MYT1L: variants seen among roughly 807,000 people sequenced by gnomAD.
MYT1L encodes myelin transcription factor 1-like protein.
MYT1L carries 12 observed loss-of-function variants against 126.7 expected under a neutral mutation model. The ratio of observed to expected loss-of-function variants is 0.09; its 90% confidence interval spans 0.06 to 0.15. The LOEUF (loss-of-function observed/expected upper bound fraction) is 0.15. Ranked by LOEUF, MYT1L falls within the 10% of genes least tolerant of loss-of-function variation. MYT1L has a pLI of 1.00. For missense variants in MYT1L, 979 were observed against 1,585.2 expected (o/e 0.62, Z 6.49); for synonymous variants, 541 against 604.2 (o/e 0.90, Z 1.53).
intron 2 of MYT1L, among the ~76,000 whole-genome samples, chr2:2,225,204 T>C (rs2149014779): frequency 6.6e-6 from 1 of 152,064 alleles, no homozygotes; most frequent in African/African-American, 2.4e-5. Flanking sequence ...CCTGCCTTAA[T>C]CCTCTCCTCA....
intron 4 of MYT1L, among the ~76,000 whole-genome samples, chr2:2,023,662 T>C (rs553655196): frequency 3.3e-5 from 5 of 151,952 alleles, no homozygotes; most frequent in South Asian, 2.1e-4. Flanking sequence ...ACTGAATAGT[T>C]GGATGGGGAG....
At chr2:2,121,655 T>C (rs1008299334) in intron 3 of MYT1L, among the ~76,000 whole-genome samples, 11 of 149,234 alleles carry the variant, frequency 7.4e-5, no homozygotes, top group Non-Finnish European at 1.5e-4. Flanking sequence ...CCCAGCTAAT[T>C]TTTGTATTTT....
intron 2 of MYT1L, among the ~76,000 whole-genome samples, chr2:2,238,257 T>C (rs780958925): frequency 2.0e-4 from 30 of 152,170 alleles, no homozygotes; most frequent in Non-Finnish European, 4.1e-4. Context: ...GGGAAACCCA[T>C]GAGCTGTGTG....
At chr2:1,989,542 C>T (rs77949568) in intron 5 of MYT1L, among the ~76,000 whole-genome samples, 5 of 152,240 alleles carry the variant, frequency 3.3e-5, no homozygotes, top group African/African-American at 7.2e-5. Context: ...GATTAAGGAT[C>T]GCATGAAGGT....
chr2:1,878,495 C>A (rs529929210), intron 18 of MYT1L, among the ~76,000 whole-genome samples: 26 of 152,116 alleles, frequency 1.7e-4, no homozygotes, highest in African/African-American at 6.3e-4. Flanking sequence ...TAGTAAAAAC[C>A]ACACAAAGAA....
intron 18 of MYT1L, among the ~76,000 whole-genome samples, chr2:1,875,046 C>CT (rs1450885465): frequency 1.3e-5 from 2 of 152,112 alleles, no homozygotes; most frequent in African/African-American, 4.8e-5. Flanking sequence ...TATTCATTAG[C>CT]TTTTTTACTT....
Position 1,942,998 on chromosome 2 carries a change from T to TTCCTCC in MYT1L, c.483_488dup (p.Glu166_Glu167dup), listed in dbSNP as rs148009982. ...AAAGATTACCGTTTTCTTCTTCCTC[T>TTCCTCC]TCCTCCTCCTCCTCCTCCTCCTCTT... On this transcript the variant is annotated inframe_insertion, in exon 9 of 25. Transcript: ENST00000647738. 3.9e-6 allele frequency: 6 copies of TTCCTCC among 1,529,900 alleles called. No individual in the cohort carries two copies. The highest frequency in any genetic ancestry group is 4.0e-5 in the Admixed American group (2 of 49,724). 94.8% of individuals were successfully genotyped at this position (1,529,900 alleles called of 1,614,324 possible). A position where few individuals can be genotyped will look rare whatever the true frequency, so the allele number is the denominator to read the frequency against.
intron 3 of MYT1L, among the ~76,000 whole-genome samples, chr2:2,071,817 G>A (rs1218997384): frequency 6.6e-6 from 1 of 152,178 alleles, no homozygotes; most frequent in Non-Finnish European, 1.5e-5. Context: ...GGAGGCTACT[G>A]CAGCCACCCA....
At chr2:2,238,329 G>A (rs960345795) in intron 2 of MYT1L, among the ~76,000 whole-genome samples, 2 of 152,092 alleles carry the variant, frequency 1.3e-5, no homozygotes, top group Admixed American at 1.3e-4. Flanking sequence ...ATGAAGATTT[G>A]GGACTAGATC....
intron 3 of MYT1L, among the ~76,000 whole-genome samples, chr2:2,089,107 C>A (rs1428663106): frequency 6.6e-6 from 1 of 152,116 alleles, no homozygotes; most frequent in Non-Finnish European, 1.5e-5. Flanking sequence ...AAGAAAGGAG[C>A]CCTCTGGCTT....
chr2:2,033,699 T>G (rs1379707123), intron 4 of MYT1L, among the ~76,000 whole-genome samples: 1 of 152,130 alleles, frequency 6.6e-6, no homozygotes, highest in Non-Finnish European at 1.5e-5. Context: ...AGTAGGGGAA[T>G]CTATTAAATC....
intron 2 of MYT1L, among the ~76,000 whole-genome samples, chr2:2,278,699 A>G (rs1251310595): frequency 1.3e-5 from 2 of 152,220 alleles, no homozygotes; most frequent in South Asian, 2.1e-4. Flanking sequence ...TATCATGTAG[A>G]TGTTTTAAAT....
At chr2:2,129,607 C>A (rs1290990914) in intron 3 of MYT1L, among the ~76,000 whole-genome samples, 3 of 152,102 alleles carry the variant, frequency 2.0e-5, no homozygotes, top group Admixed American at 6.6e-5. Context: ...CATATTGAGT[C>A]AAGAATTAAC....
At chr2:1,831,143 C>T (rs535400921) in intron 21 of MYT1L, among the ~76,000 whole-genome samples, 14 of 146,756 alleles carry the variant, frequency 9.5e-5, no homozygotes, top group Middle Eastern at 3.4e-3. Flanking sequence ...GTGCCCGACG[C>T]GTGTGTGAAT....
At chr2:2,087,754 G>T (rs1008980623) in intron 3 of MYT1L, among the ~76,000 whole-genome samples, 10 of 152,150 alleles carry the variant, frequency 6.6e-5, no homozygotes, top group African/African-American at 2.4e-4. Context: ...GCTTCTCTGG[G>T]AAGAGCTACT....
chr2:2,016,367 G>T (rs1392785390), intron 4 of MYT1L, among the ~76,000 whole-genome samples: 16 of 152,216 alleles, frequency 1.1e-4, no homozygotes, highest in African/African-American at 3.9e-4. Flanking sequence ...TTGGATGCCT[G>T]AGCAGAGAAA....
chr2:1,878,308 CA>C (rs1297367704), intron 18 of MYT1L, among the ~76,000 whole-genome samples: 1 of 151,642 alleles, frequency 6.6e-6, no homozygotes, highest in African/African-American at 2.4e-5. Flanking sequence ...CTGCATTAAA[CA>C]AAAAAAGATA....
intron 1 of MYT1L, among the ~76,000 whole-genome samples, chr2:2,316,887 T>C (rs1317001177): frequency 6.6e-6 from 1 of 152,028 alleles, no homozygotes; most frequent in African/African-American, 2.4e-5. Flanking sequence ...CTCGGCTTAC[T>C]ACAATCTCCG....
intron 21 of MYT1L, among the ~76,000 whole-genome samples, chr2:1,814,956 T>C (rs2037391313): frequency 6.6e-6 from 1 of 152,228 alleles, no homozygotes; most frequent in Non-Finnish European, 1.5e-5. Flanking sequence ...TGCTAAGTCC[T>C]GCTTCTGCTG....
Sources: gnomAD v4.1 joint callset for allele counts (sites outside exome capture counted in the v4.1 genomes callset) on GRCh38, gnomAD v4.1.1 for gene constraint, MANE v1.5 for transcripts, NCBI Gene and HGNC (gene_info 2026-07-23, HGNC 2026-07-21) for gene names.